Variants in CDK18 observed in about 807,000 individuals in gnomAD.
CDK18 encodes cyclin dependent kinase 18, also known as cyclin-dependent kinase 18.
CDK18 carries 52 observed loss-of-function variants against 62.0 expected under a neutral mutation model. The observed-to-expected ratio is 0.84, with a 90% CI of 0.67 to 1.06. CDK18 has a LOEUF of 1.06. Among genes scored for constraint, CDK18 ranks in the 50% least tolerant of loss-of-function variants. CDK18 has a pLI of 0.00. For missense variants in CDK18, 604 were observed against 619.9 expected (o/e 0.97, Z 0.27); for synonymous variants, 237 against 247.0 (o/e 0.96, Z 0.38).
intron 1 of CDK18, among the ~76,000 whole-genome samples, chr1:205,505,475 C>A (rs1575035116): frequency 6.6e-6 from 1 of 151,984 alleles, no homozygotes; most frequent in African/African-American, 2.4e-5. Flanking sequence ...CCCCTCCACC[C>A]CTCATCAACA....
Position 205,505,533 on chromosome 1 carries a change from C to CG in CDK18, c.-22+743dup, listed in dbSNP as rs548195238. Among the ~76,000 whole-genome samples, 527 of 152,114 alleles carry CG rather than the reference C, an allele frequency of 3.5e-3. 2 individuals carry two copies. The highest frequency in any genetic ancestry group is 0.011 in the African/African-American group (476 of 41,514). ...AGAGGGAAAGGAGGCTGGGTGGGGCCGGGGGGAGTGGGCGGTGACCTGTTG... is the reference window on the plus strand; with the variant it reads ...AGAGGGAAAGGAGGCTGGGTGGGGCCGGGGGGGAGTGGGCGGTGACCTGTTG... On this transcript the variant is annotated intron_variant, in intron 1 of 15. Transcript: ENST00000429964.
In CDK18 at chr1:205,529,529, C is replaced by G; in HGVS notation, c.1187C>G (p.Thr396Arg). The G allele has an allele frequency of 6.2e-7, 1 of 1,611,194 alleles. No individual in the cohort carries two copies. Among genetic ancestry groups the G allele is most frequent in the Non-Finnish European group, 8.5e-7 (1 of 1,178,324 alleles). Reference protein sequence around the residue: ...PLINHAPRLDTDGIHLLSSLL... With the variant: ...PLINHAPRLDRDGIHLLSSLL... Reference sequence around the variant, plus strand: ...GCGCCTTCTCCTTGCAGGTTGGATACGGATGGCATCCACCTCCTGAGCAGC... The same window carrying G: ...GCGCCTTCTCCTTGCAGGTTGGATAGGGATGGCATCCACCTCCTGAGCAGC... Residue 396 changes from threonine to arginine, a missense_variant, in exon 13 of 16, where the codon ACG (threonine) becomes AGG (arginine). Physicochemically the swap from Thr to Arg is moderately conservative, Grantham distance 71. Transcript: ENST00000429964.
At chr1:205,524,474 G>C in intron 4 of CDK18, 117 bp downstream of exon 4, 5 of 1,204,800 alleles carry the variant, frequency 4.2e-6, no homozygotes, top group Non-Finnish European at 4.7e-6. Context: ...TGGGCCTCTG[G>C]TGCCACCTGC....
At position 205,529,088 on chromosome 1, in the gene CDK18, G is replaced by A. The variant is rs1435356510; in HGVS notation, c.1064G>A (p.Arg355His). ...AAGGAGGAGCTGCACCTCATCTTTC[G>A]CCTCCTCGGTCAGTCTCCCGCTGCT... The part of the protein sequence containing the change: ...TVKEELHLIF[R>H]LLGTPTEETW... The change falls in exon 11 of 16, where the codon CGC becomes CAC. Residue 355 changes from arginine (R) to histidine (H), a missense_variant. Transcript: ENST00000429964. 1 of 1,579,608 alleles carries A rather than the reference G, an allele frequency of 6.3e-7. No individual in the cohort carries two copies. The highest frequency in any genetic ancestry group is 1.8e-5 in the Admixed American group (1 of 54,886).
rs1020077728 is a variant in CDK18, at chr1:205,529,568, G to C, written c.1221+5G>C. On this transcript the variant is annotated splice_donor_5th_base_variant and intron_variant, in intron 13 of 15. Coordinates refer to ENST00000429964, the MANE Select transcript of CDK18 (RefSeq NM_212502.3). ...CTCCTGAGCAGCCTGCTCCTGGTGA[G>C]TGTCCTCCCGGCGGGGCCCAGGGAG... The C allele has an allele frequency of 1.2e-6, 2 of 1,613,534 alleles. No homozygotes were observed. Among genetic ancestry groups the C allele is most frequent in the Non-Finnish European group, 1.7e-6 (2 of 1,179,950 alleles).
chr1:205,528,115 G>GC lies in CDK18; in HGVS notation c.927dup (p.Asp310ArgfsTer14). ...ATGAGGTGGTGACCCTGTGGTACAG[G>GC]CCCCCCGATGTGCTGCTGGGATCCA... On this transcript the variant is annotated frameshift_variant, in exon 10 of 16. Transcript: ENST00000429964. LOFTEE classifies it high-confidence loss of function. This position sits in a 1 kb window ranked among gnomAD's most constrained non-coding sequence, Gnocchi z 4.2. 6.2e-7 allele frequency: 1 copy of GC among 1,614,094 alleles called. No individual in the cohort carries two copies. The highest frequency in any genetic ancestry group is 1.7e-5 in the Admixed American group (1 of 60,014).
Position 205,526,187 on chromosome 1 carries a change from A to T in CDK18, c.571+8A>T. On this transcript the variant is annotated splice_region_variant and intron_variant, in intron 6 of 15. Coordinates refer to ENST00000429964, the MANE Select transcript of CDK18 (RefSeq NM_212502.3). ...GCACTGCCATCCGAGAGGGTACAGCATCCTAGGCTCCCACGCTCCCCTGGG... is the reference window on the plus strand; with the variant it reads ...GCACTGCCATCCGAGAGGGTACAGCTTCCTAGGCTCCCACGCTCCCCTGGG... The T allele has an allele frequency of 6.2e-7, 1 of 1,609,944 alleles. No homozygotes were observed. The highest frequency in any genetic ancestry group is 8.5e-7 in the Non-Finnish European group (1 of 1,176,608).
At chr1:205,510,136 T>C (rs1575043887) in intron 1 of CDK18, among the ~76,000 whole-genome samples, 1 of 151,986 alleles carries the variant, frequency 6.6e-6, no homozygotes, top group African/African-American at 2.4e-5. Flanking sequence ...CCCCATCTTA[T>C]CATTATCGAG....
At position 205,517,819 on chromosome 1, in the gene CDK18, C is replaced by T. The variant is rs532135101; in HGVS notation, c.-21-5328C>T. On this transcript the variant is annotated intron_variant, in intron 1 of 15. Transcript: ENST00000429964. The surrounding 1 kb of genome is among the most constrained non-coding windows in gnomAD (Gnocchi z 4.1). Reference sequence around the variant, plus strand: ...TGGGCCTCAGCAGCAGCCTCCTGCCCGGGCTCCCTGCTCTCCCCTTGCTCC... The same window carrying T: ...TGGGCCTCAGCAGCAGCCTCCTGCCTGGGCTCCCTGCTCTCCCCTTGCTCC... Among the ~76,000 whole-genome samples the T allele has an allele frequency of 1.3e-4, 20 of 152,198 alleles. No homozygotes were observed. The highest frequency in any genetic ancestry group is 7.7e-4 in the East Asian group (4 of 5,176).
At chr1:205,526,510 G>T in intron 7 of CDK18, 49 bp downstream of exon 7, 1 of 1,449,168 alleles carries the variant, frequency 6.9e-7, no homozygotes, top group Non-Finnish European at 9.7e-7. Flanking sequence ...TGGTGGAAAC[G>T]GGGTGTGGGT....
intron 1 of CDK18, chr1:205,522,538 A>G (rs1446619904): frequency 6.6e-6 from 1 of 152,194 alleles, no homozygotes; most frequent in Non-Finnish European, 1.5e-5. Flanking sequence ...CTCCTGGGGC[A>G]TGCCAGAGCA....
chr1:205,513,554 A>G (rs1467281729), intron 1 of CDK18, among the ~76,000 whole-genome samples: 1 of 152,240 alleles, frequency 6.6e-6, no homozygotes, highest in African/African-American at 2.4e-5. Context: ...CAGGGTGGAC[A>G]TCAGTAGGAC....
rs1575078468 is a variant in CDK18, at chr1:205,529,033, G to A, written c.1009G>A (p.Gly337Arg). 6.3e-7 allele frequency: 1 copy of A among 1,596,946 alleles called. No individual in the cohort carries two copies. Among genetic ancestry groups the A allele is most frequent in the Middle Eastern group, 1.7e-4 (1 of 6,018 alleles). The stretch of plus-strand genomic sequence containing the variant: ...CTGCATCCACTACGAGATGGCCACA[G>A]GGAGGCCCCTCTTCCCGGGCTCCAC... ...VGCIHYEMAT[G>R]RPLFPGSTVK... Residue 337 changes from glycine (G) to arginine (R), a missense_variant, in exon 11 of 16, where the codon GGG becomes AGG. Physicochemically the swap from Gly to Arg is moderately radical, Grantham distance 125 (BLOSUM62 -2). Coordinates refer to ENST00000429964, the MANE Select transcript of CDK18 (RefSeq NM_212502.3).
chr1:205,529,252 T>G (rs1368706229), intron 11 of CDK18, 72 bp from the exon 12 acceptor site: 2 of 1,441,304 alleles, frequency 1.4e-6, no homozygotes, highest in East Asian at 4.6e-5. Context: ...ACCTCATACA[T>G]TGCATCCCTT....
chr1:205,530,361 G>T lies in CDK18; in HGVS notation c.1312+12G>T, dbSNP rs1397409582. On this transcript the variant is annotated intron_variant, in intron 14 of 15. Coordinates refer to ENST00000429964, the MANE Select transcript of CDK18 (RefSeq NM_212502.3). ...CCAGCTTGAAGACAGTGAGTACTGG[G>T]GGTCCGGGAGCAGGGCCACCCAGAA... 1 of 1,610,646 alleles carries T rather than the reference G, an allele frequency of 6.2e-7. No homozygotes were observed.
At position 205,527,808 on chromosome 1, in the gene CDK18, G is replaced by C; in HGVS notation, c.744G>C (p.Gln248His). The C allele has an allele frequency of 6.2e-7, 1 of 1,613,946 alleles. No individual in the cohort carries two copies. The highest frequency in any genetic ancestry group is 8.5e-7 in the Non-Finnish European group (1 of 1,179,882). ...CCCTCCCCCAGATTTTCATGTTCCA[G>C]CTGCTCCGGGGCCTCGCCTACTGTC... is the stretch of plus-strand genomic sequence containing the variant. The part of the protein sequence containing the change: ...SMHNVKIFMF[Q>H]LLRGLAYCHH... The change falls in exon 9 of 16, where the codon CAG (glutamine) becomes CAC (histidine). Residue 248 changes from glutamine (Q) to histidine (H), a missense_variant. Gln to His is a conservative substitution (Grantham distance 24). Coordinates refer to ENST00000429964, the MANE Select transcript of CDK18 (RefSeq NM_212502.3). The surrounding 1 kb of genome is among the most constrained non-coding windows in gnomAD (Gnocchi z 4.1).
chr1:205,528,216 C>T lies in CDK18; in HGVS notation c.974+48C>T. 6.3e-7 allele frequency: 1 copy of T among 1,591,758 alleles called. No homozygotes were observed. Among genetic ancestry groups the T allele is most frequent in the Middle Eastern group, 2.2e-4 (1 of 4,568 alleles). Reference sequence around the variant, plus strand: ...GAGGAGGGGAGGACAGGCCTGGCCACACCTCCAGACTCTCCTTTGCTTCCC... The same window carrying T: ...GAGGAGGGGAGGACAGGCCTGGCCATACCTCCAGACTCTCCTTTGCTTCCC... On this transcript the variant is annotated intron_variant, in intron 10 of 15. Transcript: ENST00000429964. The surrounding 1 kb of genome is among the most constrained non-coding windows in gnomAD (Gnocchi z 4.2).
At chr1:205,518,996 C>A (rs1455910886) in intron 1 of CDK18, among the ~76,000 whole-genome samples, 1 of 152,178 alleles carries the variant, frequency 6.6e-6, no homozygotes, top group African/African-American at 2.4e-5. Flanking sequence ...TCCTCCACCC[C>A]CCACTGCCGG....
chr1:205,517,820 G>A lies in CDK18; in HGVS notation c.-21-5327G>A, dbSNP rs142917566. 2.9e-4 allele frequency among the ~76,000 whole-genome samples: 44 copies of A among 152,026 alleles called. No individual in the cohort carries two copies. The highest frequency in any genetic ancestry group is 3.4e-3 in the Middle Eastern group (1 of 294). ...GGGCCTCAGCAGCAGCCTCCTGCCCGGGCTCCCTGCTCTCCCCTTGCTCCC... is the reference window on the plus strand; with the variant it reads ...GGGCCTCAGCAGCAGCCTCCTGCCCAGGCTCCCTGCTCTCCCCTTGCTCCC... On this transcript the variant is annotated intron_variant, in intron 1 of 15. Transcript: ENST00000429964. The surrounding 1 kb of genome is among the most constrained non-coding windows in gnomAD (Gnocchi z 4.1).
Sources: gnomAD v4.1 joint callset for allele counts (sites outside exome capture counted in the v4.1 genomes callset) on GRCh38, gnomAD v4.1.1 for gene constraint, Gnocchi (gnomAD v3.1) non-coding constraint, MANE v1.5 for transcripts, NCBI Gene and HGNC (gene_info 2026-07-23, HGNC 2026-07-21) for gene names.